The following MARCHF3 variants were observed in gnomAD, a reference collection of about 807,000 sequenced individuals.
The protein encoded by MARCHF3 is E3 ubiquitin-protein ligase MARCHF3.
MARCHF3 carries 13 observed loss-of-function variants against 24.2 expected under a neutral mutation model. The observed-to-expected ratio is 0.54, with a 90% CI of 0.35 to 0.85. The LOEUF (loss-of-function observed/expected upper bound fraction) is 0.85, where lower values mean the gene tolerates loss of function less well. MARCHF3 is among the 40% of genes least tolerant of loss of function. The pLI, the probability that MARCHF3 is intolerant of heterozygous loss-of-function variation, is 0.01. For missense variants in MARCHF3, 276 were observed against 325.0 expected (o/e 0.85, Z 1.16); for synonymous variants, 144 against 137.3 (o/e 1.05, Z -0.34).
At chr5:126,902,010 A>G (rs1754121212) in intron 3 of MARCHF3, among the ~76,000 whole-genome samples, 1 of 152,170 alleles carries the variant, frequency 6.6e-6, no homozygotes, top group African/African-American at 2.4e-5. Flanking sequence ...AGTGAACTCC[A>G]TAGCTGTCAA....
At chr5:126,898,855 A>ATCGCT (rs1754013533) in intron 3 of MARCHF3, 1 of 984,470 alleles carries the variant, frequency 1.0e-6, no homozygotes, top group African/African-American at 1.8e-5. Context: ...GCAATGATGA[A>ATCGCT]ATAATGAGTA....
At chr5:126,924,734 G>A (rs751584539) in intron 1 of MARCHF3, among the ~76,000 whole-genome samples, 2 of 152,158 alleles carry the variant, frequency 1.3e-5, no homozygotes, top group Non-Finnish European at 2.9e-5. Context: ...GGACACAAAG[G>A]CTCTCCAAGG....
At chr5:127,012,928 GA>G (rs1302485456) in intron 1 of MARCHF3, among the ~76,000 whole-genome samples, 2 of 152,144 alleles carry the variant, frequency 1.3e-5, no homozygotes, top group Non-Finnish European at 2.9e-5. Context: ...ACTCTCATAA[GA>G]ATAACTCATT....
chr5:126,962,551 A>G (rs1054846420), intron 1 of MARCHF3, among the ~76,000 whole-genome samples: 4 of 152,116 alleles, frequency 2.6e-5, no homozygotes, highest in Non-Finnish European at 5.9e-5. Context: ...ACAAGTGGAA[A>G]ATTTCATACC....
At chr5:126,970,382 C>T (rs904764608) in intron 1 of MARCHF3, among the ~76,000 whole-genome samples, 1 of 152,170 alleles carries the variant, frequency 6.6e-6, no homozygotes, top group African/African-American at 2.4e-5. Context: ...GCCACTGCGC[C>T]CAGCTGGCTT....
chr5:126,942,832 A>T (rs1232854816), intron 1 of MARCHF3, among the ~76,000 whole-genome samples: 2 of 152,224 alleles, frequency 1.3e-5, no homozygotes, highest in Non-Finnish European at 2.9e-5. Flanking sequence ...TTACTAAAAC[A>T]TTCCCCAACT....
chr5:126,980,160 A>C (rs183072954), intron 1 of MARCHF3, among the ~76,000 whole-genome samples: 53 of 152,202 alleles, frequency 3.5e-4, no homozygotes, highest in African/African-American at 1.2e-3. Context: ...TGGGGATGCC[A>C]AACTCAAATG....
intron 1 of MARCHF3, among the ~76,000 whole-genome samples, chr5:126,934,961 G>C (rs939042379): frequency 7.9e-5 from 12 of 152,082 alleles, no homozygotes; most frequent in Non-Finnish European, 1.6e-4. Flanking sequence ...TTTTCCCACT[G>C]GGAATAAAAT....
intron 1 of MARCHF3, among the ~76,000 whole-genome samples, chr5:126,984,044 G>T (rs1045831466): frequency 2.0e-5 from 3 of 152,066 alleles, no homozygotes; most frequent in Non-Finnish European, 2.9e-5. Flanking sequence ...GGACTGGGGT[G>T]GGGGGATATT....
At chr5:126,968,945 C>T (rs1266416958) in intron 1 of MARCHF3, among the ~76,000 whole-genome samples, 1 of 152,080 alleles carries the variant, frequency 6.6e-6, no homozygotes, top group Non-Finnish European at 1.5e-5. Context: ...TATTTCCTTC[C>T]ATCCTATGGG....
At chr5:126,885,762 A>G (rs1007366617) in intron 3 of MARCHF3, among the ~76,000 whole-genome samples, 19 of 152,198 alleles carry the variant, frequency 1.2e-4, no homozygotes, top group Admixed American at 1.3e-4. Flanking sequence ...TTAGCCTTCT[A>G]GACTAGAGAT....
intron 1 of MARCHF3, among the ~76,000 whole-genome samples, chr5:126,939,995 C>T (rs953668493): frequency 1.3e-5 from 2 of 152,202 alleles, no homozygotes; most frequent in Non-Finnish European, 2.9e-5. Context: ...CACTTCAGCA[C>T]TGCCCTTAGG....
chr5:126,909,527 C>A (rs533871385), intron 3 of MARCHF3, among the ~76,000 whole-genome samples: 35 of 152,250 alleles, frequency 2.3e-4, no homozygotes, highest in Non-Finnish European at 4.4e-4. Context: ...TCCTGGTGCG[C>A]TGTTTTTTAA....
intron 4 of MARCHF3, among the ~76,000 whole-genome samples, chr5:126,873,471 G>A (rs573632881): frequency 1.3e-5 from 2 of 151,790 alleles, no homozygotes; most frequent in South Asian, 2.1e-4. Context: ...CTCTGCTCTC[G>A]GCGTGGTCCT....
chr5:126,899,741 T>G (rs191293390), intron 3 of MARCHF3, among the ~76,000 whole-genome samples: 13 of 152,178 alleles, frequency 8.5e-5, no homozygotes, highest in Admixed American at 8.5e-4. Context: ...CAGCTCAGGG[T>G]GTTTTTTAAA....
chr5:126,901,242 C>T lies in MARCHF3; in HGVS notation c.393+13688G>A, dbSNP rs531061791. Among the ~76,000 whole-genome samples, 45 of 152,240 alleles carry T rather than the reference C, an allele frequency of 3.0e-4. 2 individuals carry two copies. The highest frequency in any genetic ancestry group is 1.1e-3 in the African/African-American group (45 of 41,538). On this transcript the variant is annotated intron_variant, in intron 3 of 4. Transcript: ENST00000308660. Reference sequence around the variant, plus strand: ...ACAGTGCAAATCTAACCCCTTAACTCTGTAAAACTAGATTGCAAAGAATAT... The same window carrying T: ...ACAGTGCAAATCTAACCCCTTAACTTTGTAAAACTAGATTGCAAAGAATAT...
intron 3 of MARCHF3, 103 bp from the exon 4 acceptor site, chr5:126,878,497 G>A (rs1251240454): frequency 1.7e-6 from 2 of 1,146,356 alleles, no homozygotes; most frequent in African/African-American, 3.1e-5. Flanking sequence ...CAGAACCTTG[G>A]GAAAAGGCAT....
At chr5:126,924,884 C>T (rs969401262) in intron 1 of MARCHF3, among the ~76,000 whole-genome samples, 5 of 152,156 alleles carry the variant, frequency 3.3e-5, no homozygotes, top group African/African-American at 1.2e-4. Context: ...TTACAGACTG[C>T]ACTACCAAAT....
intron 1 of MARCHF3, among the ~76,000 whole-genome samples, chr5:127,021,109 A>G (rs1198836683): frequency 1.3e-5 from 2 of 152,084 alleles, no homozygotes; most frequent in Non-Finnish European, 2.9e-5. Context: ...CTAAGATATC[A>G]TCAACTGACA....
Sources: allele counts gnomAD v4.1 joint callset (sites outside exome capture counted in the v4.1 genomes callset), GRCh38; gene constraint gnomAD v4.1.1; transcripts MANE v1.5; gene names NCBI Gene and HGNC (gene_info 2026-07-23, HGNC 2026-07-21).